The following LRMDA variants were observed in gnomAD, a reference collection of about 807,000 sequenced individuals.
LRMDA encodes leucine rich melanocyte differentiation associated, also known as leucine-rich melanocyte differentiation-associated protein.
A neutral mutation model predicts 29.8 loss-of-function variants in LRMDA; 18 were observed. The observed-to-expected ratio is 0.60, with a 90% CI of 0.42 to 0.90. The LOEUF (loss-of-function observed/expected upper bound fraction) is 0.90. Among genes scored for constraint, LRMDA ranks in the 40% least tolerant of loss-of-function variants. The pLI is 0.00. For synonymous variants in LRMDA, 125 were observed against 109.4 expected, an observed-to-expected ratio of 1.14 and a Z score of -0.89; for missense variants, 273 against 273.9, an observed-to-expected ratio of 1.00 and a Z score of 0.02.
chr10:75,721,846 T>C (rs559770655), intron 2 of LRMDA, among the ~76,000 whole-genome samples: 81 of 152,366 alleles, frequency 5.3e-4, no homozygotes, highest in African/African-American at 1.9e-3. Flanking sequence ...ACACACTCTA[T>C]AGGGATCCTT....
intron 5 of LRMDA, among the ~76,000 whole-genome samples, chr10:76,283,599 G>A (rs1245306548): frequency 6.6e-6 from 1 of 152,106 alleles, no homozygotes; most frequent in Non-Finnish European, 1.5e-5. Flanking sequence ...TCGATTGAAT[G>A]CTTACTATAT....
chr10:76,553,626 A>G (rs952133086), intron 6 of LRMDA, among the ~76,000 whole-genome samples: 10 of 152,202 alleles, frequency 6.6e-5, no homozygotes, highest in African/African-American at 2.4e-4. Context: ...GTGGCCACAC[A>G]TGGGACTGTG....
intron 5 of LRMDA, among the ~76,000 whole-genome samples, chr10:76,184,756 C>G (rs142458437): frequency 1.3e-5 from 2 of 152,126 alleles, no homozygotes; most frequent in African/African-American, 2.4e-5. Flanking sequence ...TTAACATTCC[C>G]GCTGTCTTCT....
intron 2 of LRMDA, among the ~76,000 whole-genome samples, chr10:75,887,852 GC>G (rs1845417102): frequency 6.6e-6 from 1 of 152,118 alleles, no homozygotes; most frequent in East Asian, 1.9e-4. Context: ...TTGCTCAGAA[GC>G]CTGTTTTAAA....
intron 2 of LRMDA, among the ~76,000 whole-genome samples, chr10:75,592,340 G>GT (rs1840733468): frequency 6.6e-6 from 1 of 152,166 alleles, no homozygotes; most frequent in Non-Finnish European, 1.5e-5. Context: ...GTCTGTTTGT[G>GT]TTTTTTCTTC....
At chr10:75,691,240 G>GTGTA (rs912783050) in intron 2 of LRMDA, among the ~76,000 whole-genome samples, 2 of 138,634 alleles carry the variant, frequency 1.4e-5, no homozygotes, top group East Asian at 2.2e-4. Context: ...GTGTGTGTGT[G>GTGTA]TGTATGTATG....
At chr10:76,365,951 C>G (rs1191193108) in intron 6 of LRMDA, among the ~76,000 whole-genome samples, 1 of 151,864 alleles carries the variant, frequency 6.6e-6, no homozygotes, top group Non-Finnish European at 1.5e-5. Context: ...TACAGTTCTC[C>G]TACATGTGGC....
intron 2 of LRMDA, among the ~76,000 whole-genome samples, chr10:75,474,004 T>C (rs547576908): frequency 7.9e-5 from 12 of 152,372 alleles, no homozygotes; most frequent in Admixed American, 1.3e-4. Flanking sequence ...TCCCAGGTGA[T>C]GCTGATACGC....
chr10:76,165,276 AAG>A (rs1172383156), intron 5 of LRMDA, among the ~76,000 whole-genome samples: 2 of 151,980 alleles, frequency 1.3e-5, no homozygotes, highest in African/African-American at 4.8e-5. Context: ...CCCAGCCAAA[AAG>A]AGAGTTTTTT....
At chr10:76,144,365 C>A (rs977113898) in intron 5 of LRMDA, among the ~76,000 whole-genome samples, 2 of 152,070 alleles carry the variant, frequency 1.3e-5, no homozygotes, top group African/African-American at 2.4e-5. Flanking sequence ...TCTTTTATTT[C>A]CTTGAGCAGT....
At chr10:76,470,937 G>A (rs1448060221) in intron 6 of LRMDA, among the ~76,000 whole-genome samples, 4 of 151,900 alleles carry the variant, frequency 2.6e-5, no homozygotes, top group South Asian at 4.1e-4. Context: ...TGTTATGCAC[G>A]TTAACCACAA....
chr10:76,330,913 G>C (rs978995610), intron 6 of LRMDA, among the ~76,000 whole-genome samples: 1 of 152,126 alleles, frequency 6.6e-6, no homozygotes, highest in Non-Finnish European at 1.5e-5. Flanking sequence ...ATTTATTTAG[G>C]CCAGCTTAAT....
intron 2 of LRMDA, among the ~76,000 whole-genome samples, chr10:75,699,765 A>G (rs1054766600): frequency 6.6e-6 from 1 of 152,186 alleles, no homozygotes; most frequent in Non-Finnish European, 1.5e-5. Context: ...TATATGGAAA[A>G]AGGGTCTTTG....
At chr10:76,296,049 A>G (rs897479419) in intron 5 of LRMDA, among the ~76,000 whole-genome samples, 6 of 152,296 alleles carry the variant, frequency 3.9e-5, no homozygotes, top group Admixed American at 3.3e-4. Flanking sequence ...GCATGAATAC[A>G]TTTTATTGAT....
At chr10:75,894,729 A>G (rs892288869) in intron 2 of LRMDA, among the ~76,000 whole-genome samples, 76 of 152,292 alleles carry the variant, frequency 5.0e-4, no homozygotes, top group African/African-American at 1.7e-3. Context: ...GCTTGGTACC[A>G]TGCCCCTTTG....
At chr10:75,449,655 C>A (rs2132030238) in intron 2 of LRMDA, among the ~76,000 whole-genome samples, 1 of 152,116 alleles carries the variant, frequency 6.6e-6, no homozygotes, top group African/African-American at 2.4e-5. Flanking sequence ...TTCCTGCTCT[C>A]TCCCATTTCT....
chr10:76,370,808 T>A (rs1305577626), intron 6 of LRMDA, among the ~76,000 whole-genome samples: 2 of 152,132 alleles, frequency 1.3e-5, no homozygotes, highest in Non-Finnish European at 2.9e-5. Flanking sequence ...ATTTTTGTAC[T>A]GTAGTAAATT....
chr10:75,693,404 G>A (rs908006277), intron 2 of LRMDA, among the ~76,000 whole-genome samples: 8 of 152,190 alleles, frequency 5.3e-5, no homozygotes, highest in South Asian at 2.1e-4. Context: ...ACCTGTGCTA[G>A]TTTACATTAG....
chr10:75,616,406 A>G (rs1211709323), intron 2 of LRMDA, among the ~76,000 whole-genome samples: 5 of 152,230 alleles, frequency 3.3e-5, no homozygotes, highest in Non-Finnish European at 4.4e-5. Context: ...TAGCCAAACC[A>G]TATCAACAGG....
Sources: gnomAD v4.1 joint callset for allele counts (sites outside exome capture counted in the v4.1 genomes callset) on GRCh38, gnomAD v4.1.1 for gene constraint, MANE v1.5 for transcripts, NCBI Gene and HGNC (gene_info 2026-07-23, HGNC 2026-07-21) for gene names.